Variants in RANBP2 observed in about 807,000 individuals in gnomAD.
RANBP2 encodes RAN binding protein 2, also known as E3 SUMO-protein ligase RanBP2.
A neutral mutation model predicts 303.6 loss-of-function variants in RANBP2; 57 were observed. The observed-to-expected ratio is 0.19, with a 90% CI of 0.15 to 0.23. RANBP2 has a LOEUF of 0.23. RANBP2 is among the 10% of genes least tolerant of loss of function. RANBP2 has a pLI of 1.00. For missense variants in RANBP2, 3,138 were observed against 3,780.8 expected (o/e 0.83, Z 4.46); for synonymous variants, 1,167 against 1,301.5 (o/e 0.90, Z 2.23).
rs1553495996 is a variant in RANBP2, at chr2:108,765,291, T to C, written c.4752T>C (p.Phe1584=). 1 of 1,613,988 alleles carries C rather than the reference T, an allele frequency of 6.2e-7. No homozygotes were observed. Among genetic ancestry groups the C allele is most frequent in the Non-Finnish European group, 8.5e-7 (1 of 1,179,936 alleles). ...CTTCTGTTCCAGCTCCTGCCTCTTT[T>C]AAGTTTGGTACTTCAGAGACAAGCA... ...PSTSVPAPAS[F]KFGTSETSKA... The change falls in exon 20 of 29, where the codon TTT becomes TTC. Residue 1584 remains phenylalanine, a synonymous_variant. Transcript: ENST00000283195.
the RANBP2 span, among the ~76,000 whole-genome samples, chr2:109,671,176 G>A: frequency 7.9e-5 from 12 of 152,350 alleles, no homozygotes; most frequent in Admixed American, 7.8e-4. Flanking sequence ...GGATCCACCT[G>A]CTGGATATTG....
chr2:109,162,887 C>A, the RANBP2 span, among the ~76,000 whole-genome samples: 2 of 141,684 alleles, frequency 1.4e-5, no homozygotes, highest in South Asian at 2.3e-4. Flanking sequence ...ACCAAAAAAA[C>A]CACCTCTTGG....
chr2:108,724,726 A>G (rs552483892), intron 1 of RANBP2, among the ~76,000 whole-genome samples: 5 of 151,746 alleles, frequency 3.3e-5, no homozygotes, highest in Non-Finnish European at 5.9e-5. Context: ...GCCTTTTGAG[A>G]GATTTCCTTA....
chr2:108,983,951 T>C, the RANBP2 span, among the ~76,000 whole-genome samples: 1 of 152,204 alleles, frequency 6.6e-6, no homozygotes, highest in Non-Finnish European at 1.5e-5. Context: ...GGCCAGTGGC[T>C]CTGCGACTGT....
the RANBP2 span, among the ~76,000 whole-genome samples, chr2:109,542,049 G>C: frequency 6.6e-6 from 1 of 152,212 alleles, no homozygotes; most frequent in African/African-American, 2.4e-5. Context: ...TACGTACCAG[G>C]ATTAACGGCT....
chr2:109,456,802 G>A, the RANBP2 span, among the ~76,000 whole-genome samples: 1 of 152,236 alleles, frequency 6.6e-6, no homozygotes, highest in Non-Finnish European at 1.5e-5. Flanking sequence ...AATGAAACCA[G>A]GCTCCATGGT....
the RANBP2 span, among the ~76,000 whole-genome samples, chr2:109,051,114 G>A: frequency 1.4e-4 from 22 of 152,136 alleles, no homozygotes; most frequent in Admixed American, 2.6e-4. Context: ...GACACCAATC[G>A]CAGAGCTAGC....
the RANBP2 span, chr2:108,906,490 C>T: frequency 2.0e-6 from 2 of 1,004,508 alleles, no homozygotes; most frequent in Non-Finnish European, 3.1e-6. Context: ...CTGCACACAG[C>T]CCCCGTGTCA....
At chr2:109,615,824 T>G in the RANBP2 span, 2 of 1,614,078 alleles carry the variant, frequency 1.2e-6, no homozygotes, top group Admixed American at 1.7e-5. Context: ...ACCACTCGGC[T>G]GAGGGGTGGG....
At chr2:109,094,389 C>T in the RANBP2 span, among the ~76,000 whole-genome samples, 4 of 152,270 alleles carry the variant, frequency 2.6e-5, no homozygotes, top group East Asian at 7.7e-4. Flanking sequence ...GCTTATTAGG[C>T]CCTAGAAACT....
the RANBP2 span, chr2:109,129,439 C>A: frequency 6.7e-7 from 1 of 1,484,846 alleles, no homozygotes. Flanking sequence ...AAAGTCACGG[C>A]GGAGCCCGGC....
At chr2:109,524,482 C>T in the RANBP2 span, among the ~76,000 whole-genome samples, 2 of 139,066 alleles carry the variant, frequency 1.4e-5, no homozygotes, top group Non-Finnish European at 3.0e-5. Flanking sequence ...CAACACTGGG[C>T]GCGATGGCTC....
chr2:109,588,852 A>T, the RANBP2 span, among the ~76,000 whole-genome samples: 4 of 63,046 alleles, frequency 6.3e-5, no homozygotes, highest in Admixed American at 1.6e-4. Context: ...ATTACTATTA[A>T]AAAAAAAAAA....
At chr2:108,989,041 A>G in the RANBP2 span, 1 of 152,466 alleles carries the variant, frequency 6.6e-6, no homozygotes, top group Non-Finnish European at 1.5e-5. Flanking sequence ...GTTCTGGGTG[A>G]CAGGCTTCAC....
chr2:109,063,556 C>T, the RANBP2 span, among the ~76,000 whole-genome samples: 7 of 152,298 alleles, frequency 4.6e-5, no homozygotes, highest in East Asian at 3.9e-4. Flanking sequence ...GACAGGGAAC[C>T]GTCCCGGGGT....
At chr2:109,116,564 C>A in the RANBP2 span, among the ~76,000 whole-genome samples, 2 of 152,162 alleles carry the variant, frequency 1.3e-5, no homozygotes, top group Admixed American at 1.3e-4. Context: ...AACTTCTTTG[C>A]CTTTGGTTTG....
the RANBP2 span, among the ~76,000 whole-genome samples, chr2:109,370,525 C>G: frequency 6.6e-6 from 1 of 152,154 alleles, no homozygotes; most frequent in Non-Finnish European, 1.5e-5. Flanking sequence ...AGGCATGAGC[C>G]ACCGCGCCCG....
At position 108,771,788 on chromosome 2, in the gene RANBP2, C is replaced by G; in HGVS notation, c.7937C>G (p.Ala2646Gly). Reference protein sequence around the residue: ...YELTPTAEQKALATKLKLPPT... With the variant: ...YELTPTAEQKGLATKLKLPPT... ...CTAACTCCAACCGCTGAGCAGAAAGCCCTTGCAACCAAACTTAAACTTCCT... is the reference window on the plus strand; with the variant it reads ...CTAACTCCAACCGCTGAGCAGAAAGGCCTTGCAACCAAACTTAAACTTCCT... Residue 2646 changes from alanine (A) to glycine (G), a missense_variant, in exon 21 of 29, where the codon GCC becomes GGC. By Grantham distance (60) the Ala-to-Gly change is moderately conservative (BLOSUM62 0). Coordinates refer to ENST00000283195, the MANE Select transcript of RANBP2 (RefSeq NM_006267.5). 1 of 1,614,006 alleles carries G rather than the reference C, an allele frequency of 6.2e-7. No individual in the cohort carries two copies. The highest frequency in any genetic ancestry group is 8.5e-7 in the Non-Finnish European group (1 of 1,179,960).
chr2:109,098,060 G>A, the RANBP2 span, among the ~76,000 whole-genome samples: 3 of 152,156 alleles, frequency 2.0e-5, no homozygotes, highest in Non-Finnish European at 4.4e-5. Flanking sequence ...CAGGTTCTGG[G>A]CATTTCCCTT....
Sources: allele counts gnomAD v4.1 joint callset (sites outside exome capture counted in the v4.1 genomes callset), GRCh38; gene constraint gnomAD v4.1.1; transcripts MANE v1.5; gene names NCBI Gene and HGNC (gene_info 2026-07-23, HGNC 2026-07-21).